The following TBC1D23 variants were observed in gnomAD, a reference collection of about 807,000 sequenced individuals.
TBC1D23 encodes the protein HCV non-structural protein 4A-transactivated protein 1.
A neutral mutation model predicts 91.4 loss-of-function variants in TBC1D23; 55 were observed. That is an observed-to-expected ratio of 0.60 (90% confidence interval 0.48 to 0.75). TBC1D23 has a LOEUF of 0.75. TBC1D23 is among the 30% of genes least tolerant of loss of function. The probability of loss-of-function intolerance (pLI) is 0.00; values close to 1 mark genes in which losing one functional copy is unlikely to be tolerated. For synonymous variants in TBC1D23, 289 were observed against 281.0 expected, an observed-to-expected ratio of 1.03 and a Z score of -0.28; for missense variants, 725 against 836.1, an observed-to-expected ratio of 0.87 and a Z score of 1.64.
chr3:100,279,379 G>A (rs1158522290), intron 1 of TBC1D23: 2 of 276,146 alleles, frequency 7.2e-6, no homozygotes, highest in Non-Finnish European at 1.4e-5. Flanking sequence ...ACTTCACAGT[G>A]CTGTCAGCCA....
chr3:100,281,570 ATAAT>A (rs2067694892), intron 2 of TBC1D23, 168 bp from the exon 3 acceptor site: 1 of 409,300 alleles, frequency 2.4e-6, no homozygotes, highest in African/African-American at 2.0e-5. Context: ...AGGACTTAAA[ATAAT>A]TCTGCTGGTT....
intron 1 of TBC1D23, among the ~76,000 whole-genome samples, chr3:100,263,842 C>T (rs1201863783): frequency 6.6e-6 from 1 of 152,154 alleles, no homozygotes; most frequent in Non-Finnish European, 1.5e-5. Flanking sequence ...TTGTGAGAAT[C>T]TCTGGTTCAC....
chr3:100,283,368 G>A (rs1420745453), intron 3 of TBC1D23, among the ~76,000 whole-genome samples: 1 of 150,396 alleles, frequency 6.6e-6, no homozygotes. Flanking sequence ...GCTAAACTCC[G>A]TCTCAAAAAA....
intron 5 of TBC1D23, among the ~76,000 whole-genome samples, chr3:100,291,935 T>G (rs2067795085): frequency 6.6e-6 from 1 of 152,016 alleles, no homozygotes; most frequent in Non-Finnish European, 1.5e-5. Flanking sequence ...CCGGCTAATT[T>G]TGTAATTTTA....
At chr3:100,306,966 C>T (rs1352587165) in intron 13 of TBC1D23, among the ~76,000 whole-genome samples, 1 of 152,128 alleles carries the variant, frequency 6.6e-6, no homozygotes, top group East Asian at 1.9e-4. Flanking sequence ...ATAATCATCT[C>T]GTGCACACTA....
intron 1 of TBC1D23, chr3:100,261,294 G>C: frequency 1.7e-6 from 1 of 580,596 alleles, no homozygotes; most frequent in Non-Finnish European, 3.1e-6. Context: ...TGTCATCCAG[G>C]TGCTGGGCCT....
At chr3:100,282,406 T>G (rs1210088806) in intron 3 of TBC1D23, among the ~76,000 whole-genome samples, 1 of 152,232 alleles carries the variant, frequency 6.6e-6, no homozygotes, top group East Asian at 1.9e-4. Flanking sequence ...AGTCTTAAAT[T>G]TGATTTTTAT....
At chr3:100,315,983 T>TG (rs992665133) in intron 15 of TBC1D23, 116 bp from the exon 16 acceptor site, 155 of 781,478 alleles carry the variant, frequency 2.0e-4, no homozygotes, top group African/African-American at 7.1e-4. Flanking sequence ...CATGGGGTTT[T>TG]GGGGGGGTCA....
At chr3:100,264,789 CTA>C (rs1398742093) in intron 1 of TBC1D23, among the ~76,000 whole-genome samples, 12 of 152,280 alleles carry the variant, frequency 7.9e-5, no homozygotes, top group Admixed American at 3.3e-4. Context: ...TATGTGGACT[CTA>C]TGACATTGTT....
chr3:100,271,668 G>T lies in TBC1D23; in HGVS notation c.54-7981G>T, dbSNP rs116637534. On this transcript the variant is annotated intron_variant, in intron 1 of 18. Transcript: ENST00000394144. ...CCTGCTGGCCTATATATTCTCTCTG[G>T]AGTCATAAGTAAAGTCACCTGAGGT... Among the ~76,000 whole-genome samples the T allele has an allele frequency of 4.1e-3, 629 of 152,270 alleles. 6 individuals carry two copies. Among genetic ancestry groups the T allele is most frequent in the African/African-American group, 0.013 (552 of 41,554 alleles).
intron 1 of TBC1D23, among the ~76,000 whole-genome samples, chr3:100,263,303 T>A (rs2067529722): frequency 6.6e-6 from 1 of 152,222 alleles, no homozygotes; most frequent in Admixed American, 6.5e-5. Flanking sequence ...ACCGGCCATT[T>A]ACACTTCTTT....
At chr3:100,322,387 C>T (rs142835386) in intron 18 of TBC1D23, among the ~76,000 whole-genome samples, 16 of 152,302 alleles carry the variant, frequency 1.1e-4, no homozygotes, top group African/African-American at 3.4e-4. Context: ...GCCACCGTGC[C>T]CGGCCCAATA....
Position 100,311,847 on chromosome 3 carries a change from T to A in TBC1D23, c.1568T>A (p.Leu523His), listed in dbSNP as rs1300365829. 1.6e-5 allele frequency: 24 copies of A among 1,535,246 alleles called. No individual in the cohort carries two copies. The highest frequency in any genetic ancestry group is 1.8e-5 in the Non-Finnish European group (21 of 1,145,856). ...STPVDRMSFN[L>H]PWPDRSCTER... ...ATTTGCTATAGAATGTCTTTCAATC[T>A]TCCTTGGCCAGACAGATCATGTACA... Residue 523 changes from leucine to histidine, a missense_variant, in exon 15 of 19, where the codon CTT becomes CAT. Transcript: ENST00000394144.
intron 1 of TBC1D23, among the ~76,000 whole-genome samples, chr3:100,268,880 A>G (rs2067578491): frequency 6.6e-6 from 1 of 152,224 alleles, no homozygotes; most frequent in South Asian, 2.1e-4. Context: ...GAAATTTCCA[A>G]TTTTGTAGTC....
chr3:100,315,993 A>G, intron 15 of TBC1D23, 106 bp from the exon 16 acceptor site: 1 of 864,726 alleles, frequency 1.2e-6, no homozygotes, highest in African/African-American at 1.6e-5. Context: ...TGGGGGGGTC[A>G]GGTAAGGAAT....
rs774347477 is a variant in TBC1D23, at chr3:100,320,899, A to G, written c.1946A>G (p.Lys649Arg). 8 of 1,613,146 alleles carry G rather than the reference A, an allele frequency of 5.0e-6. No homozygotes were observed. The East Asian group carries it at 1.3e-4, about 27-fold the overall frequency. Residue 649 changes from lysine to arginine, a missense_variant, in exon 18 of 19, where the codon AAA becomes AGA. Lys to Arg is a conservative substitution (Grantham distance 26, BLOSUM62 2). Coordinates refer to ENST00000394144, the MANE Select transcript of TBC1D23 (RefSeq NM_001199198.3). The stretch of plus-strand genomic sequence containing the variant: ...GTAGTTAAAATTACATCCAAAAAAA[A>G]ACATCCTGAACTCATTACCTTCAAG... ...NSVVKITSKK[K>R]HPELITFKYG...
At chr3:100,289,142 C>T (rs938657033) in intron 4 of TBC1D23, among the ~76,000 whole-genome samples, 22 of 151,670 alleles carry the variant, frequency 1.5e-4, no homozygotes, top group African/African-American at 3.1e-4. Flanking sequence ...GAGCCCAGGA[C>T]GCAAAGAGGT....
intron 4 of TBC1D23, among the ~76,000 whole-genome samples, chr3:100,286,233 A>G (rs2067740741): frequency 6.6e-6 from 1 of 152,190 alleles, no homozygotes; most frequent in Non-Finnish European, 1.5e-5. Flanking sequence ...AGCACTTCTC[A>G]TGGCCACCTC....
chr3:100,278,722 A>G (rs2067670701), intron 1 of TBC1D23, among the ~76,000 whole-genome samples: 1 of 152,182 alleles, frequency 6.6e-6, no homozygotes, highest in Admixed American at 6.5e-5. Context: ...TGGCTAGAAA[A>G]CAATGTATAC....
Sources: allele counts gnomAD v4.1 joint callset (sites outside exome capture counted in the v4.1 genomes callset), GRCh38; gene constraint gnomAD v4.1.1; transcripts MANE v1.5; gene names NCBI Gene and HGNC (gene_info 2026-07-23, HGNC 2026-07-21).